The following SORCS3 variants were observed in gnomAD, a reference collection of about 807,000 sequenced individuals.
SORCS3 encodes the protein VPS10 domain-containing receptor SorCS3.
In SORCS3, 57 loss-of-function variants were observed where a neutral mutation model predicts 146.3. The observed-to-expected ratio is 0.39, with a 90% CI of 0.31 to 0.49. The LOEUF (loss-of-function observed/expected upper bound fraction) is 0.49. Among genes scored for constraint, SORCS3 ranks in the 20% least tolerant of loss-of-function variants. SORCS3 has a pLI of 0.92. For synonymous variants in SORCS3, 653 were observed against 618.5 expected (o/e 1.06, Z -0.83); for missense variants, 1,341 against 1,575.5 (o/e 0.85, Z 2.52).
chr10:104,774,407 G>A (rs1172883504), intron 1 of SORCS3, among the ~76,000 whole-genome samples: 1 of 152,140 alleles, frequency 6.6e-6, no homozygotes, highest in Non-Finnish European at 1.5e-5. Context: ...TGCAACCTGT[G>A]TCGACGCTGC....
intron 4 of SORCS3, among the ~76,000 whole-genome samples, chr10:104,986,226 T>C (rs73351633): frequency 0.053 from 8,117 of 152,334 alleles, 247 homozygotes; most frequent in Middle Eastern, 0.082. Flanking sequence ...CTTTCACTTG[T>C]ATGTTATGGA....
Position 104,856,392 on chromosome 10 carries a change from GGAGA to G in SORCS3, c.695+13542_695+13545del, listed in dbSNP as rs973399297. On this transcript the variant is annotated intron_variant, in intron 2 of 26. Coordinates refer to ENST00000369701, the MANE Select transcript of SORCS3 (RefSeq NM_014978.3). The stretch of plus-strand genomic sequence containing the variant: ...AAGGAAGAGAGAAAGCTATAGAAAG[GGAGA>G]GAGAGAGACCACTGTTATATGATAT... Among the ~76,000 whole-genome samples, 4 of 147,646 alleles carry G rather than the reference GGAGA, an allele frequency of 2.7e-5. No individual in the cohort carries two copies. In the South Asian group the frequency reaches 6.3e-4, roughly 23 times the overall value.
intron 5 of SORCS3, among the ~76,000 whole-genome samples, chr10:105,044,738 C>T (rs1349028823): frequency 2.0e-5 from 3 of 149,342 alleles, no homozygotes; most frequent in East Asian, 2.0e-4. Flanking sequence ...GTACATGGTT[C>T]GGAGTAGTTG....
chr10:105,242,798 A>G (rs1435551401), intron 20 of SORCS3, among the ~76,000 whole-genome samples: 1 of 104,964 alleles, frequency 9.5e-6, no homozygotes, highest in Non-Finnish European at 1.7e-5. Flanking sequence ...ATATACATTT[A>G]TATATAATTT....
intron 13 of SORCS3, among the ~76,000 whole-genome samples, chr10:105,177,809 C>G (rs1204620280): frequency 6.6e-6 from 1 of 152,062 alleles, no homozygotes; most frequent in African/African-American, 2.4e-5. Context: ...ACTAAGCCCT[C>G]CTGCTTGGGC....
intron 5 of SORCS3, among the ~76,000 whole-genome samples, chr10:105,078,853 A>C (rs916791478): frequency 6.6e-6 from 1 of 152,214 alleles, no homozygotes; most frequent in African/African-American, 2.4e-5. Flanking sequence ...TGACTGAGTG[A>C]TGGAGCCAAG....
At chr10:104,887,546 T>C (rs1387109731) in intron 2 of SORCS3, among the ~76,000 whole-genome samples, 1 of 152,168 alleles carries the variant, frequency 6.6e-6, no homozygotes, top group Non-Finnish European at 1.5e-5. Flanking sequence ...TTACTTAGAA[T>C]GCAGCTTCTA....
At chr10:104,760,408 G>C (rs2017106330) in intron 1 of SORCS3, among the ~76,000 whole-genome samples, 1 of 152,124 alleles carries the variant, frequency 6.6e-6, no homozygotes, top group Non-Finnish European at 1.5e-5. Flanking sequence ...GGCAACCTCT[G>C]CTAGCCAGGG....
intron 9 of SORCS3, 108 bp downstream of exon 9, chr10:105,147,904 C>A: frequency 2.2e-6 from 2 of 906,090 alleles, no homozygotes; most frequent in Non-Finnish European, 1.6e-6. Flanking sequence ...AGCTGTACCA[C>A]TTAGCAATTG....
intron 1 of SORCS3, among the ~76,000 whole-genome samples, chr10:104,781,617 C>T (rs181512823): frequency 6.6e-6 from 1 of 152,226 alleles, no homozygotes; most frequent in Admixed American, 6.5e-5. Flanking sequence ...CAAAACCACA[C>T]AGAACAAACA....
chr10:105,204,071 G>A (rs775130143), intron 16 of SORCS3, among the ~76,000 whole-genome samples: 2 of 152,088 alleles, frequency 1.3e-5, no homozygotes, highest in African/African-American at 4.8e-5. Context: ...AGTAAAGCAC[G>A]GTGGGAGAGG....
chr10:104,865,202 CTG>C (rs2018446392), intron 2 of SORCS3, among the ~76,000 whole-genome samples: 1 of 152,120 alleles, frequency 6.6e-6, no homozygotes, highest in Non-Finnish European at 1.5e-5. Context: ...CTGCCTAGTG[CTG>C]TGTTTGGCAC....
intron 4 of SORCS3, among the ~76,000 whole-genome samples, chr10:105,035,250 C>A (rs1160883423): frequency 6.6e-6 from 1 of 151,996 alleles, no homozygotes; most frequent in East Asian, 1.9e-4. Context: ...TACAAAATAC[C>A]CATGGAATTT....
intron 2 of SORCS3, among the ~76,000 whole-genome samples, chr10:104,877,674 C>T (rs1459336556): frequency 1.3e-5 from 2 of 151,996 alleles, no homozygotes; most frequent in Admixed American, 6.6e-5. Flanking sequence ...AAGGGAATAC[C>T]ATATAAGGAC....
intron 1 of SORCS3, among the ~76,000 whole-genome samples, chr10:104,800,591 G>A (rs2017613561): frequency 1.3e-5 from 2 of 152,080 alleles, no homozygotes; most frequent in African/African-American, 4.8e-5. Context: ...AGGCGGGTAG[G>A]GGGTAGATGG....
intron 2 of SORCS3, among the ~76,000 whole-genome samples, chr10:104,853,335 A>T (rs1018718492): frequency 1.3e-5 from 2 of 152,246 alleles, no homozygotes; most frequent in African/African-American, 4.8e-5. Flanking sequence ...GCTGGGGAAC[A>T]GATTCCAGGT....
chr10:105,196,156 A>G (rs2056542877), intron 14 of SORCS3, among the ~76,000 whole-genome samples: 1 of 152,216 alleles, frequency 6.6e-6, no homozygotes, highest in Admixed American at 6.5e-5. Flanking sequence ...AAGACCAACA[A>G]CATGGACATT....
chr10:104,976,674 A>G (rs567378000), intron 3 of SORCS3, among the ~76,000 whole-genome samples: 2,174 of 152,312 alleles, frequency 0.014, 47 homozygotes, highest in African/African-American at 0.049. Context: ...ATGTCCAACA[A>G]TGATAGACTG....
intron 20 of SORCS3, among the ~76,000 whole-genome samples, chr10:105,238,012 CAT>C (rs1437388750): frequency 1.3e-5 from 2 of 152,156 alleles, no homozygotes; most frequent in Admixed American, 1.3e-4. Flanking sequence ...TAGAAAAACA[CAT>C]ATGACATTCT....
Sources: allele counts gnomAD v4.1 joint callset (sites outside exome capture counted in the v4.1 genomes callset), GRCh38; gene constraint gnomAD v4.1.1; transcripts MANE v1.5; gene names NCBI Gene and HGNC (gene_info 2026-07-23, HGNC 2026-07-21).